The following SSX5 variants were observed in gnomAD, a reference collection of about 807,000 sequenced individuals.
SSX5 encodes protein SSX5.
Under a neutral mutation model 14.9 loss-of-function variants are expected in SSX5, and 14 were observed. The ratio of observed to expected loss-of-function variants is 0.94; its 90% CI spans 0.62 to 1.47. SSX5 has a LOEUF of 1.47. Among genes scored for constraint, SSX5 ranks in the 40% most tolerant of loss-of-function variants. SSX5 has a pLI of 0.00. For missense variants in SSX5, 204 were observed against 154.6 expected (o/e 1.32, Z -1.70); for synonymous variants, 70 against 55.4 (o/e 1.26, Z -1.17).
chrX:48,188,301 C>T (rs1274710126), intron 6 of SSX5, among the ~76,000 whole-genome samples: 1 of 112,143 alleles, frequency 8.9e-6, no homozygotes, highest in Non-Finnish European at 1.9e-5. Flanking sequence ...ATACATGAGA[C>T]GTTTTGATAC....
In SSX5 at chrX:48,186,741, A is replaced by G; in HGVS notation, c.*120T>C. The G allele has an allele frequency of 8.6e-7, 1 of 1,168,561 alleles. No homozygotes were observed. Among genetic ancestry groups the G allele is most frequent in the South Asian group, 1.8e-5 (1 of 56,067 alleles). On this transcript the variant is annotated 3_prime_UTR_variant, in exon 8 of 8. Transcript: ENST00000347757. ...TGACGCTCAACTTTTCACTGTTGTG[A>G]ACACTTGCTTTCACTTGCTATACAC... is the stretch of plus-strand genomic sequence containing the variant.
At chrX:48,193,243 G>C (rs1338265700) in intron 4 of SSX5, among the ~76,000 whole-genome samples, 1 of 94,484 alleles carries the variant, frequency 1.1e-5, no homozygotes, top group African/African-American at 3.4e-5. Flanking sequence ...CGGATCTACA[G>C]TTGTAACATT....
At chrX:48,193,333 G>A (rs1173425396) in intron 4 of SSX5, among the ~76,000 whole-genome samples, 4 of 109,357 alleles carry the variant, frequency 3.7e-5, no homozygotes, top group Admixed American at 9.9e-5. Flanking sequence ...ACAACATGTC[G>A]TTTAAAAAAG....
At chrX:48,195,553 G>A (rs1226751406) in intron 1 of SSX5, among the ~76,000 whole-genome samples, 175 bp from the exon 2 acceptor site, 4 of 111,979 alleles carry the variant, frequency 3.6e-5, no homozygotes, top group African/African-American at 9.7e-5. Context: ...AAAACAGGGA[G>A]CCAGGGGTCT....
chrX:48,191,609 A>C (rs1487993917), intron 5 of SSX5, among the ~76,000 whole-genome samples: 1 of 98,587 alleles, frequency 1.0e-5, no homozygotes, highest in African/African-American at 3.7e-5. Context: ...TCCTGTTGTG[A>C]GAGTGGGTCT....
intron 5 of SSX5, among the ~76,000 whole-genome samples, chrX:48,190,876 T>C (rs1386376421): frequency 7.2e-5 from 8 of 111,178 alleles, no homozygotes; most frequent in African/African-American, 2.3e-4. Context: ...TCTGGTTGCA[T>C]TGGGATGTAT....
At chrX:48,190,329 C>T (rs1281489555) in intron 5 of SSX5, 61 bp from the exon 6 acceptor site, 8 of 1,105,645 alleles carry the variant, frequency 7.2e-6, no homozygotes, top group African/African-American at 1.9e-5. Flanking sequence ...TGCTTTAGAG[C>T]TTACAAAGAA....
chrX:48,190,771 C>T (rs868977245), intron 5 of SSX5, among the ~76,000 whole-genome samples: 13 of 111,224 alleles, frequency 1.2e-4, no homozygotes, highest in African/African-American at 3.6e-4. Flanking sequence ...GAAATTAATC[C>T]AGGCAGCAAA....
intron 5 of SSX5, among the ~76,000 whole-genome samples, chrX:48,191,596 C>G (rs1426767488): frequency 9.2e-6 from 1 of 109,240 alleles, no homozygotes; most frequent in Non-Finnish European, 1.9e-5. Flanking sequence ...ACCAGATGGT[C>G]CTTCCTGTTG....
rs148173325 is a variant in SSX5 at position 48,194,571 on chromosome X, C to T, written c.184+169G>A. On this transcript the variant is annotated intron_variant, in intron 3 of 7. Transcript: ENST00000347757. The stretch of plus-strand genomic sequence containing the variant: ...AGCTCCACTGTGGCCAGTCCCTGCC[C>T]TCAGCCCTGACAAGATACAGAAGAG... 6.3e-3 allele frequency among the ~76,000 whole-genome samples: 699 copies of T among 111,008 alleles called. 3 individuals are homozygous for T. The highest frequency in any genetic ancestry group is 0.022 in the African/African-American group (666 of 30,562).
intron 2 of SSX5, chrX:48,195,067 C>T: frequency 1.7e-6 from 2 of 1,211,672 alleles, no homozygotes; most frequent in African/African-American, 1.7e-5. Context: ...CTCTTCCCAC[C>T]TTCCAGAACG....
intron 6 of SSX5, among the ~76,000 whole-genome samples, chrX:48,189,230 A>T (rs1165611424): frequency 8.9e-6 from 1 of 112,304 alleles, no homozygotes; most frequent in Non-Finnish European, 1.9e-5. Context: ...CAATGTAGAT[A>T]AAATAGCCTT....
At chrX:48,189,164 C>T (rs782811623) in intron 6 of SSX5, among the ~76,000 whole-genome samples, 1 of 112,088 alleles carries the variant, frequency 8.9e-6, no homozygotes, top group Admixed American at 9.5e-5. Context: ...AGCAAGTTAT[C>T]CGGAAGATCT....
At chrX:48,187,244 A>G in intron 7 of SSX5, among the ~76,000 whole-genome samples, 1 of 111,259 alleles carries the variant, frequency 9.0e-6, no homozygotes, top group East Asian at 2.9e-4. Flanking sequence ...TCACGAGGTC[A>G]GGAGATTGAG....
chrX:48,190,106 G>T, intron 6 of SSX5, 27 bp downstream of exon 6: 1 of 1,207,898 alleles, frequency 8.3e-7, no homozygotes, highest in Non-Finnish European at 1.1e-6. Flanking sequence ...AAGCCAGAGT[G>T]GTTGTTCCCA....
chrX:48,195,835 T>TG (rs2059438881), intron 1 of SSX5, among the ~76,000 whole-genome samples: 2 of 111,052 alleles, frequency 1.8e-5, no homozygotes, highest in Non-Finnish European at 3.8e-5. Context: ...GGCAGAGGGA[T>TG]GGGGGTTCTG....
chrX:48,188,633 C>G (rs2059408081), intron 6 of SSX5, among the ~76,000 whole-genome samples: 1 of 111,600 alleles, frequency 9.0e-6, no homozygotes, highest in Non-Finnish European at 1.9e-5. Flanking sequence ...GGAAGATTAA[C>G]AACCCTACAA....
rs1310662884 is a variant in SSX5 at position 48,187,612 on chromosome X, C to G, written c.*4+15G>C. On this transcript the variant is annotated intron_variant, in intron 7 of 7. Coordinates refer to ENST00000347757, the MANE Select transcript of SSX5 (RefSeq NM_175723.2). ...ATCTGCAAGGATGTGGGAGATGAGC[C>G]AAAGGTTCACTTACGGAGTTACTCG... 1 of 1,202,093 alleles carries G rather than the reference C, an allele frequency of 8.3e-7. No homozygotes were observed. Among genetic ancestry groups the G allele is most frequent in the Non-Finnish European group, 1.1e-6 (1 of 889,646 alleles).
In SSX5 at chrX:48,194,125, T is replaced by G; in HGVS notation, c.280+4A>C. 3 of 1,209,492 alleles carry G rather than the reference T, an allele frequency of 2.5e-6. No homozygotes were observed. Among genetic ancestry groups the G allele is most frequent in the Middle Eastern group, 2.3e-4 (1 of 4,339 alleles). On this transcript the variant is annotated splice_donor_region_variant and intron_variant, in intron 4 of 7. Coordinates refer to ENST00000347757, the MANE Select transcript of SSX5 (RefSeq NM_175723.2). Reference sequence around the variant, plus strand: ...CCCTTTCCAGCCCCTTCCCATCTACTCACCCTGATTCCCACGGTTAGGGTC... The same window carrying G: ...CCCTTTCCAGCCCCTTCCCATCTACGCACCCTGATTCCCACGGTTAGGGTC...
Sources: gnomAD v4.1 joint callset for allele counts (sites outside exome capture counted in the v4.1 genomes callset) on GRCh38, gnomAD v4.1.1 for gene constraint, MANE v1.5 for transcripts, NCBI Gene and HGNC (gene_info 2026-07-23, HGNC 2026-07-21) for gene names.